RPS6KC1: variants seen among roughly 807,000 people sequenced by gnomAD.
The protein encoded by RPS6KC1 is ribosomal protein S6 kinase C1, also known as inactive ribosomal protein S6 kinase delta-1.
In RPS6KC1, 54 loss-of-function variants were observed where a neutral mutation model predicts 103.8. The ratio of observed to expected loss-of-function variants is 0.52; its 90% CI spans 0.42 to 0.65. The LOEUF is 0.65. Ranked by LOEUF, RPS6KC1 falls within the 30% of genes least tolerant of loss-of-function variation. The pLI is 0.00. For missense variants in RPS6KC1, 1,151 were observed against 1,253.8 expected (o/e 0.92, Z 1.24); for synonymous variants, 439 against 438.7 (o/e 1.00, Z -0.01).
chr1:213,298,292 G>A, the RPS6KC1 span, among the ~76,000 whole-genome samples: 2 of 152,180 alleles, frequency 1.3e-5, no homozygotes. Context: ...GTTTGGCTTG[G>A]TATAGCATTT....
the RPS6KC1 span, among the ~76,000 whole-genome samples, chr1:213,453,109 G>A: frequency 6.6e-6 from 1 of 151,924 alleles, no homozygotes; most frequent in Admixed American, 6.5e-5. Flanking sequence ...ATTTCTCCTT[G>A]TTATTCTCAT....
At chr1:213,397,397 G>T in the RPS6KC1 span, among the ~76,000 whole-genome samples, 1 of 152,038 alleles carries the variant, frequency 6.6e-6, no homozygotes, top group Non-Finnish European at 1.5e-5. Flanking sequence ...TAGGGTTAAA[G>T]AAATTGTTCA....
At chr1:213,234,642 G>A (rs187499778) in intron 10 of RPS6KC1, among the ~76,000 whole-genome samples, 169 of 152,304 alleles carry the variant, frequency 1.1e-3, no homozygotes, top group Admixed American at 1.9e-3. Context: ...ATGTTGGTAC[G>A]TGAGGCTGTT....
the RPS6KC1 span, among the ~76,000 whole-genome samples, chr1:213,437,070 A>G: frequency 2.6e-5 from 4 of 152,192 alleles, no homozygotes; most frequent in Admixed American, 2.6e-4. Flanking sequence ...AGACATCCCT[A>G]TTTTGTCCCT....
chr1:213,639,916 ATTAGTTGGAAAG>A, the RPS6KC1 span, among the ~76,000 whole-genome samples: 1 of 151,550 alleles, frequency 6.6e-6, no homozygotes, highest in African/African-American at 2.4e-5. Context: ...GCCTTGTAAA[ATTAGTTGGAAAG>A]TATTCCTCTT....
At chr1:213,636,350 G>T in the RPS6KC1 span, among the ~76,000 whole-genome samples, 1 of 149,730 alleles carries the variant, frequency 6.7e-6, no homozygotes, top group Non-Finnish European at 1.5e-5. Flanking sequence ...GAGGCATCAT[G>T]CTGACTTCAA....
the RPS6KC1 span, among the ~76,000 whole-genome samples, chr1:213,460,813 G>C: frequency 6.6e-6 from 1 of 152,088 alleles, no homozygotes; most frequent in African/African-American, 2.4e-5. Context: ...GTATTTGCTT[G>C]TCTGTAAAGG....
chr1:213,577,571 C>G, the RPS6KC1 span, among the ~76,000 whole-genome samples: 1 of 152,108 alleles, frequency 6.6e-6, no homozygotes, highest in African/African-American at 2.4e-5. Context: ...AATGTTTTGA[C>G]CAAAAAGTCC....
At chr1:213,831,498 C>G in the RPS6KC1 span, among the ~76,000 whole-genome samples, 1 of 152,128 alleles carries the variant, frequency 6.6e-6, no homozygotes, top group Admixed American at 6.5e-5. Flanking sequence ...CCTGCAGACA[C>G]CTTGATTTCA....
At chr1:213,724,973 A>C in the RPS6KC1 span, among the ~76,000 whole-genome samples, 1 of 152,014 alleles carries the variant, frequency 6.6e-6, no homozygotes, top group African/African-American at 2.4e-5. Flanking sequence ...AGTCTTAGCC[A>C]CTCTTGGCAC....
chr1:213,067,640 A>G (rs1218135074), intron 1 of RPS6KC1, among the ~76,000 whole-genome samples: 1 of 152,074 alleles, frequency 6.6e-6, no homozygotes, highest in African/African-American at 2.4e-5. Context: ...TGTTTGGGAA[A>G]TACACCCTCC....
the RPS6KC1 span, among the ~76,000 whole-genome samples, chr1:213,586,308 T>C: frequency 1.3e-5 from 2 of 152,210 alleles, no homozygotes; most frequent in Non-Finnish European, 2.9e-5. Flanking sequence ...TTAGAGGCAC[T>C]CTCTCAGCCC....
the RPS6KC1 span, among the ~76,000 whole-genome samples, chr1:213,663,361 A>G: frequency 3.9e-5 from 6 of 152,198 alleles, no homozygotes. Context: ...GATGCAGAGA[A>G]CTTCTTCCAT....
the RPS6KC1 span, among the ~76,000 whole-genome samples, chr1:213,366,936 C>A: frequency 6.6e-6 from 1 of 152,230 alleles, no homozygotes; most frequent in Non-Finnish European, 1.5e-5. Context: ...TTAGATTAAT[C>A]TCTTCTTCAT....
At chr1:213,146,902 G>T (rs1233909203) in intron 6 of RPS6KC1, among the ~76,000 whole-genome samples, 1 of 152,256 alleles carries the variant, frequency 6.6e-6, no homozygotes, top group Middle Eastern at 3.4e-3. Flanking sequence ...TAACTGGGCG[G>T]GGATAATATC....
At chr1:213,336,667 T>C in the RPS6KC1 span, among the ~76,000 whole-genome samples, 1 of 152,316 alleles carries the variant, frequency 6.6e-6, no homozygotes, top group African/African-American at 2.4e-5. Flanking sequence ...CAGATATTAC[T>C]CTTATTCCCA....
At chr1:213,632,524 C>T in the RPS6KC1 span, among the ~76,000 whole-genome samples, 11 of 152,162 alleles carry the variant, frequency 7.2e-5, no homozygotes, top group African/African-American at 2.7e-4. Flanking sequence ...ACATCCACAC[C>T]AAAACCCCAT....
chr1:213,559,361 A>G, the RPS6KC1 span, among the ~76,000 whole-genome samples: 1 of 152,224 alleles, frequency 6.6e-6, no homozygotes, highest in Admixed American at 6.5e-5. Context: ...GTCCTTTGGC[A>G]GCCCTCCTGT....
At chr1:213,208,023 A>T (rs999512087) in intron 8 of RPS6KC1, among the ~76,000 whole-genome samples, 1 of 152,130 alleles carries the variant, frequency 6.6e-6, no homozygotes, top group Non-Finnish European at 1.5e-5. Flanking sequence ...TGTTTTATAG[A>T]CACAAATTAT....
Sources: allele counts gnomAD v4.1 joint callset (sites outside exome capture counted in the v4.1 genomes callset), GRCh38; gene constraint gnomAD v4.1.1; transcripts MANE v1.5; gene names NCBI Gene and HGNC (gene_info 2026-07-23, HGNC 2026-07-21).